CLEC2B: variants seen among roughly 807,000 people sequenced by gnomAD.
The protein encoded by CLEC2B is C-type (calcium dependent, carbohydrate-recognition domain) lectin, superfamily member 2 (activation-induced).
CLEC2B carries 14 observed loss-of-function variants against 16.2 expected under a neutral mutation model. The observed-to-expected ratio is 0.86, with a 90% confidence interval of 0.57 to 1.35. The LOEUF is 1.35. Ranked by LOEUF, CLEC2B falls within the 40% of genes most tolerant of loss-of-function variation. The pLI, the probability that CLEC2B is intolerant of heterozygous loss-of-function variation, is 0.00. For missense variants in CLEC2B, 166 were observed against 182.3 expected (o/e 0.91, Z 0.52); for synonymous variants, 42 against 55.8 (o/e 0.75, Z 1.10).
intron 1 of CLEC2B, among the ~76,000 whole-genome samples, chr12:9,866,566 A>T (rs922961526): frequency 5.3e-5 from 8 of 152,048 alleles, no homozygotes; most frequent in Non-Finnish European, 7.4e-5. Context: ...CTTGTGTTAT[A>T]GTTGTCCTGT....
At chr12:9,859,510 G>A (rs941265984) in intron 2 of CLEC2B, among the ~76,000 whole-genome samples, 1 of 151,694 alleles carries the variant, frequency 6.6e-6, no homozygotes, top group Non-Finnish European at 1.5e-5. Flanking sequence ...GATAAAAGCA[G>A]CATATCTAAA....
intron 1 of CLEC2B, among the ~76,000 whole-genome samples, chr12:9,868,961 A>G (rs1378365365): frequency 3.3e-5 from 5 of 152,174 alleles, no homozygotes; most frequent in African/African-American, 1.2e-4. Context: ...TAAAAATGAA[A>G]CTAAATCTTG....
chr12:9,860,769 G>A (rs1293207200), intron 2 of CLEC2B, among the ~76,000 whole-genome samples: 1 of 151,838 alleles, frequency 6.6e-6, no homozygotes, highest in Non-Finnish European at 1.5e-5. Flanking sequence ...AGATAAAATA[G>A]AGTAAATTAA....
At chr12:9,863,255 A>G (rs1867946799) in intron 1 of CLEC2B, among the ~76,000 whole-genome samples, 1 of 152,166 alleles carries the variant, frequency 6.6e-6, no homozygotes, top group African/African-American at 2.4e-5. Context: ...CCATGTAGTC[A>G]TAACAAGGAG....
Position 9,852,710 on chromosome 12 carries a change from C to A in CLEC2B, c.*590G>T, listed in dbSNP as rs1293259092. 6.6e-6 allele frequency among the ~76,000 whole-genome samples: 1 copy of A among 152,120 alleles called. No individual in the cohort carries two copies. The highest frequency in any genetic ancestry group is 1.9e-4 in the East Asian group (1 of 5,198). On this transcript the variant is annotated 3_prime_UTR_variant, in exon 5 of 5. Transcript: ENST00000228438. ...CTTTTGGGTAAAGCCAGTTAGCAAA[C>A]ACATACGGTGTGTGATCTCCTCCTC... is the stretch of plus-strand genomic sequence containing the variant.
intron 1 of CLEC2B, chr12:9,866,899 C>T (rs1867974112): frequency 6.6e-6 from 1 of 152,100 alleles, no homozygotes; most frequent in Non-Finnish European, 1.5e-5. Context: ...TGAGAAATGA[C>T]AATTTGCAGA....
intron 4 of CLEC2B, 85 bp from the exon 5 acceptor site, chr12:9,853,493 A>G (rs145576735): frequency 1.0e-6 from 1 of 996,378 alleles, no homozygotes; most frequent in East Asian, 2.4e-5. Context: ...CTACTTGTCT[A>G]AAGTGCTGCA....
In CLEC2B at chr12:9,853,093, G is replaced by GAGAGAA; in HGVS notation, c.*206_*207insTTCTCT. The GAGAGAA allele has an allele frequency of 5.1e-6, 1 of 196,958 alleles. No homozygotes were observed. Among genetic ancestry groups the GAGAGAA allele is most frequent in the Admixed American group, 1.1e-4 (1 of 9,340 alleles). 12.2% of individuals were successfully genotyped at this position (196,958 alleles called of 1,614,324 possible). On this transcript the variant is annotated 3_prime_UTR_variant, in exon 5 of 5. Transcript: ENST00000228438. Reference sequence around the variant, plus strand: ...AGAAAGAAAGAAAGAAAGAGAGAGAGAGAAAGAAAGAAAGAAAAAAACTCA... The same window carrying GAGAGAA: ...AGAAAGAAAGAAAGAAAGAGAGAGAGAGAGAAAGAAAGAAAGAAAGAAAAAAACTCA...
At position 9,857,575 on chromosome 12, in the gene CLEC2B, A is replaced by G. The variant is rs1867903648; in HGVS notation, c.136T>C (p.Cys46Arg). 1 of 1,611,490 alleles carries G rather than the reference A, an allele frequency of 6.2e-7. No individual in the cohort carries two copies. The highest frequency in any genetic ancestry group is 1.1e-5 in the South Asian group (1 of 91,012). Residue 46 changes from cysteine to arginine, a missense_variant, in exon 3 of 5, where the codon TGC becomes CGC. Cys to Arg is a radical substitution (Grantham distance 180). Coordinates refer to ENST00000228438, the MANE Select transcript of CLEC2B (RefSeq NM_005127.3). The stretch of plus-strand genomic sequence containing the variant: ...CCTTCTTCTTTAGAGAAATAATAGC[A>G]TTTGTTTTGGAAACCAATCCAATCA... ...PYDWIGFQNK[C>R]YYFSKEEGDW...
At chr12:9,863,367 T>C (rs1322367219) in intron 1 of CLEC2B, among the ~76,000 whole-genome samples, 1 of 151,570 alleles carries the variant, frequency 6.6e-6, no homozygotes, top group Non-Finnish European at 1.5e-5. Flanking sequence ...ACAAGCCATA[T>C]AAAATCCTTC....
intron 4 of CLEC2B, among the ~76,000 whole-genome samples, chr12:9,853,855 G>C (rs1437639411): frequency 6.6e-6 from 1 of 152,100 alleles, no homozygotes; most frequent in Non-Finnish European, 1.5e-5. Flanking sequence ...TATCAGTAGT[G>C]TTTCTATTGA....
chr12:9,858,714 GTACATATAAGGGTGTATATA>G (rs900582040), intron 2 of CLEC2B, among the ~76,000 whole-genome samples: 1 of 151,532 alleles, frequency 6.6e-6, no homozygotes, highest in East Asian at 1.9e-4. Context: ...ATAGGTATGT[GTACATATAAGGGTGTATATA>G]TACATATACA....
intron 1 of CLEC2B, among the ~76,000 whole-genome samples, chr12:9,866,874 C>T (rs551602054): frequency 9.9e-5 from 15 of 152,234 alleles, no homozygotes; most frequent in African/African-American, 3.6e-4. Flanking sequence ...AAGGGCAATG[C>T]ACATCCTGAC....
chr12:9,860,726 A>T (rs1867926912), intron 2 of CLEC2B, among the ~76,000 whole-genome samples: 1 of 151,922 alleles, frequency 6.6e-6, no homozygotes, highest in African/African-American at 2.4e-5. Flanking sequence ...ATAAACCAAC[A>T]GTATTGAGAC....
chr12:9,864,466 A>T (rs1867956293), intron 1 of CLEC2B, among the ~76,000 whole-genome samples: 1 of 152,236 alleles, frequency 6.6e-6, no homozygotes, highest in Non-Finnish European at 1.5e-5. Flanking sequence ...AGACTGGAAG[A>T]TAAATCTATC....
intron 4 of CLEC2B, among the ~76,000 whole-genome samples, chr12:9,853,677 T>G (rs1056825423): frequency 6.6e-6 from 1 of 152,186 alleles, no homozygotes; most frequent in Non-Finnish European, 1.5e-5. Flanking sequence ...TAGGGGTGAT[T>G]TTGCTTCCAA....
rs565580719 is a variant in CLEC2B, at chr12:9,853,220, T to G, written c.*80A>C. 8.9e-7 allele frequency: 1 copy of G among 1,127,244 alleles called. No individual in the cohort carries two copies. Among genetic ancestry groups the G allele is most frequent in the East Asian group, 2.5e-5 (1 of 39,912 alleles). The allele number at this position is 1,127,244 out of a possible 1,614,324, so 69.8% of individuals were successfully genotyped here. ...CCAGACAGGTACAAAACTCGAACTT[T>G]GTTTAATTAAAAAAGTACTTTGCTG... On this transcript the variant is annotated 3_prime_UTR_variant, in exon 5 of 5. Coordinates refer to ENST00000228438, the MANE Select transcript of CLEC2B (RefSeq NM_005127.3).
intron 2 of CLEC2B, among the ~76,000 whole-genome samples, chr12:9,861,525 G>A (rs1867932869): frequency 1.3e-5 from 2 of 152,056 alleles, no homozygotes; most frequent in African/African-American, 4.8e-5. Context: ...TGCGTATTCT[G>A]TGCTTAATAA....
intron 3 of CLEC2B, chr12:9,854,824 A>G (rs1384851961): frequency 1.1e-5 from 4 of 372,102 alleles, no homozygotes; most frequent in Non-Finnish European, 1.9e-5. Context: ...ATTACCACAT[A>G]TTTATTACAC....
Sources: gnomAD v4.1 joint callset for allele counts (sites outside exome capture counted in the v4.1 genomes callset) on GRCh38, gnomAD v4.1.1 for gene constraint, MANE v1.5 for transcripts, NCBI Gene and HGNC (gene_info 2026-07-23, HGNC 2026-07-21) for gene names.